The following EPHA5 variants were observed in gnomAD, a reference collection of about 807,000 sequenced individuals.
EPHA5 encodes the protein ephrin type-A receptor 5.
Under a neutral mutation model 105.0 loss-of-function variants are expected in EPHA5, and 60 were observed. That is an observed-to-expected ratio of 0.57 (90% CI 0.46 to 0.71). The LOEUF is 0.71. Ranked by LOEUF, EPHA5 falls within the 30% of genes least tolerant of loss-of-function variation. EPHA5 has a pLI of 0.00. For missense variants in EPHA5, 1,218 were observed against 1,274.7 expected, an observed-to-expected ratio of 0.96 and a Z score of 0.68; for synonymous variants, 513 against 449.1, an observed-to-expected ratio of 1.14 and a Z score of -1.80.
chr4:65,611,564 A>ACTGTTGAT (rs919778605), intron 2 of EPHA5, among the ~76,000 whole-genome samples: 1 of 149,946 alleles, frequency 6.7e-6, no homozygotes. Context: ...ACCATGTGCA[A>ACTGTTGAT]CTCTTGATCT....
At chr4:65,587,922 TACA>T (rs1323670565) in intron 3 of EPHA5, among the ~76,000 whole-genome samples, 3 of 152,140 alleles carry the variant, frequency 2.0e-5, no homozygotes, top group South Asian at 2.1e-4. Flanking sequence ...GTGCAGCTCC[TACA>T]ACAACAGATT....
chr4:65,355,355 T>A lies in EPHA5; in HGVS notation c.2174-2252A>T, dbSNP rs4860180. On this transcript the variant is annotated intron_variant, in intron 11 of 16. Transcript: ENST00000613740. Reference sequence around the variant, plus strand: ...GGCTCAAGAACAGATCAGGAAAAAATTGATAATGAAATTTTTATCATTAGT... The same window carrying A: ...GGCTCAAGAACAGATCAGGAAAAAAATGATAATGAAATTTTTATCATTAGT... Among the ~76,000 whole-genome samples the A allele has an allele frequency of 4.1e-3, 618 of 151,728 alleles. 4 individuals carry two copies. Among genetic ancestry groups the A allele is most frequent in the Admixed American group, 0.03 (449 of 15,140 alleles).
At chr4:65,599,829 T>A (rs551622657) in intron 3 of EPHA5, among the ~76,000 whole-genome samples, 1 of 152,188 alleles carries the variant, frequency 6.6e-6, no homozygotes, top group East Asian at 1.9e-4. Flanking sequence ...TGCTAACACT[T>A]GCACTAAGAC....
intron 16 of EPHA5, among the ~76,000 whole-genome samples, chr4:65,327,479 T>C (rs1720194607): frequency 6.6e-6 from 1 of 151,252 alleles, no homozygotes; most frequent in African/African-American, 2.4e-5. Flanking sequence ...CACTGAATTT[T>C]AAGTACTGCC....
chr4:65,383,226 C>CA (rs1236195522), intron 8 of EPHA5, among the ~76,000 whole-genome samples: 1 of 149,802 alleles, frequency 6.7e-6, no homozygotes, highest in African/African-American at 2.4e-5. Flanking sequence ...GATATACACA[C>CA]ACACACACAC....
chr4:65,578,310 T>A (rs1418544811), intron 3 of EPHA5, among the ~76,000 whole-genome samples: 3 of 152,122 alleles, frequency 2.0e-5, no homozygotes, highest in African/African-American at 7.2e-5. Context: ...CTTCCTATAG[T>A]TTTATGCTAA....
chr4:65,473,689 G>A (rs1402099669), intron 5 of EPHA5, among the ~76,000 whole-genome samples: 1 of 151,714 alleles, frequency 6.6e-6, no homozygotes, highest in Non-Finnish European at 1.5e-5. Flanking sequence ...TACAATTGAA[G>A]ATGAGATTTA....
intron 2 of EPHA5, among the ~76,000 whole-genome samples, chr4:65,620,864 CT>C (rs1407433801): frequency 6.6e-6 from 1 of 152,120 alleles, no homozygotes; most frequent in East Asian, 1.9e-4. Flanking sequence ...TTCCCATATG[CT>C]TTTTCCATAT....
intron 8 of EPHA5, among the ~76,000 whole-genome samples, chr4:65,398,586 C>A (rs1052999375): frequency 2.6e-5 from 4 of 152,186 alleles, no homozygotes; most frequent in Admixed American, 2.6e-4. Flanking sequence ...TTTCTCTCGC[C>A]TGCCTATGGC....
rs1477566577 is a variant in EPHA5 at position 65,669,413 on chromosome 4, C to T, written c.181+149G>A. The T allele has an allele frequency of 8.9e-6, 11 of 1,241,700 alleles. No individual in the cohort carries two copies. The African/African-American group carries it at 1.1e-4, about 12-fold the overall frequency. 76.9% of individuals were successfully genotyped at this position (1,241,700 alleles called of 1,614,324 possible). On this transcript the variant is annotated intron_variant, in intron 1 of 16. Coordinates refer to ENST00000613740, the MANE Select transcript of EPHA5 (RefSeq NM_001281766.3). ...AAAACCGCAGAGGGGAGCGAAAAGGCCAGTGGAAGGGGACGACAAATACCA... is the reference window on the plus strand; with the variant it reads ...AAAACCGCAGAGGGGAGCGAAAAGGTCAGTGGAAGGGGACGACAAATACCA...
chr4:65,628,382 A>T (rs1407576956), intron 2 of EPHA5, among the ~76,000 whole-genome samples: 2 of 152,088 alleles, frequency 1.3e-5, no homozygotes, highest in Non-Finnish European at 2.9e-5. Context: ...ATTACTGATG[A>T]TTGGTTAGTC....
At chr4:65,438,417 C>T (rs1725690663) in intron 5 of EPHA5, among the ~76,000 whole-genome samples, 1 of 151,330 alleles carries the variant, frequency 6.6e-6, no homozygotes, top group Non-Finnish European at 1.5e-5. Context: ...TAAATATATA[C>T]ACACACATGT....
At chr4:65,549,350 T>G (rs2149336647) in intron 3 of EPHA5, among the ~76,000 whole-genome samples, 2 of 152,250 alleles carry the variant, frequency 1.3e-5, no homozygotes, top group Admixed American at 1.3e-4. Context: ...AAAGGTATTC[T>G]GACAACAAGT....
intron 3 of EPHA5, among the ~76,000 whole-genome samples, chr4:65,582,364 C>T (rs1741710395): frequency 6.6e-6 from 1 of 151,248 alleles, no homozygotes; most frequent in Non-Finnish European, 1.5e-5. Context: ...GGAAACTGTG[C>T]ATCAGATAAG....
At chr4:65,345,244 G>A (rs552328007) in intron 14 of EPHA5, among the ~76,000 whole-genome samples, 1 of 152,250 alleles carries the variant, frequency 6.6e-6, no homozygotes, top group South Asian at 2.1e-4. Context: ...AGCCAAGTAA[G>A]CAGGGCATAA....
intron 5 of EPHA5, among the ~76,000 whole-genome samples, chr4:65,446,923 C>T (rs1487810815): frequency 6.7e-6 from 1 of 149,484 alleles, no homozygotes; most frequent in African/African-American, 2.5e-5. Flanking sequence ...TGGTTATATT[C>T]AATAGTTAGA....
chr4:65,390,850 GA>G (rs1720646389), intron 8 of EPHA5, among the ~76,000 whole-genome samples: 1 of 151,972 alleles, frequency 6.6e-6, no homozygotes, highest in Non-Finnish European at 1.5e-5. Flanking sequence ...AGTAATGAGA[GA>G]AACAAGGAGT....
chr4:65,469,787 C>T (rs1407010603), intron 5 of EPHA5, among the ~76,000 whole-genome samples: 1 of 151,982 alleles, frequency 6.6e-6, no homozygotes, highest in Non-Finnish European at 1.5e-5. Flanking sequence ...TCATTATCAG[C>T]ATAAAACAAA....
intron 5 of EPHA5, among the ~76,000 whole-genome samples, chr4:65,466,626 G>GTGTT (rs1467260508): frequency 1.3e-5 from 2 of 152,168 alleles, no homozygotes; most frequent in African/African-American, 4.8e-5. Flanking sequence ...TTGGATCAAG[G>GTGTT]TGTTAGCAAT....
Sources: gnomAD v4.1 joint callset for allele counts (sites outside exome capture counted in the v4.1 genomes callset) on GRCh38, gnomAD v4.1.1 for gene constraint, MANE v1.5 for transcripts, NCBI Gene and HGNC (gene_info 2026-07-23, HGNC 2026-07-21) for gene names.